The following SND1 variants were observed in gnomAD, a reference collection of about 807,000 sequenced individuals.
SND1 encodes the protein staphylococcal nuclease domain-containing protein 1.
SND1 carries 38 observed loss-of-function variants against 121.7 expected under a neutral mutation model. The ratio of observed to expected loss-of-function variants is 0.31; its 90% CI spans 0.24 to 0.41. The LOEUF is 0.41. Ranked by LOEUF, SND1 falls within the 10% of genes least tolerant of loss-of-function variation. The pLI, the probability that SND1 is intolerant of heterozygous loss-of-function variation, is 1.00. For missense variants in SND1, 868 were observed against 1,184.6 expected, an observed-to-expected ratio of 0.73 and a Z score of 3.92; for synonymous variants, 401 against 447.4, an observed-to-expected ratio of 0.90 and a Z score of 1.31.
At chr7:127,897,891 G>A (rs1370799060) in intron 13 of SND1, among the ~76,000 whole-genome samples, 1 of 151,890 alleles carries the variant, frequency 6.6e-6, no homozygotes, top group Non-Finnish European at 1.5e-5. Context: ...TTTTTCTGAT[G>A]AACTTTGTAA....
At chr7:127,800,635 A>G (rs1798108691) in intron 10 of SND1, among the ~76,000 whole-genome samples, 2 of 152,242 alleles carry the variant, frequency 1.3e-5, no homozygotes, top group Non-Finnish European at 2.9e-5. Flanking sequence ...AAAAAGAAAT[A>G]TAAGTTTATA....
intron 16 of SND1, among the ~76,000 whole-genome samples, chr7:128,074,225 G>A (rs984693935): frequency 2.7e-5 from 4 of 150,020 alleles, no homozygotes; most frequent in Non-Finnish European, 4.5e-5. Flanking sequence ...CTTCAGCTGC[G>A]CTCTCTCTCT....
intron 1 of SND1, among the ~76,000 whole-genome samples, chr7:127,662,588 G>A (rs780457656): frequency 2.6e-5 from 4 of 152,048 alleles, no homozygotes; most frequent in Non-Finnish European, 5.9e-5. Context: ...TTGTACCTTA[G>A]CTGTTTATTT....
chr7:127,841,551 C>T (rs1338208768), intron 11 of SND1, among the ~76,000 whole-genome samples: 1 of 152,080 alleles, frequency 6.6e-6, no homozygotes, highest in Non-Finnish European at 1.5e-5. Flanking sequence ...TGTTGTTTTC[C>T]TCACCTGCTT....
intron 15 of SND1, among the ~76,000 whole-genome samples, chr7:127,973,596 G>T (rs1013664745): frequency 2.0e-4 from 30 of 152,276 alleles, no homozygotes; most frequent in African/African-American, 7.2e-4. Context: ...CTGAGGTGAG[G>T]TGGTCTCTAA....
chr7:128,040,483 TAAAA>T (rs754875856), intron 16 of SND1, among the ~76,000 whole-genome samples: 1 of 80,762 alleles, frequency 1.2e-5, no homozygotes, highest in African/African-American at 4.5e-5. Context: ...GTTTGACACC[TAAAA>T]AAAAAAAAAG....
Position 127,707,606 on chromosome 7 carries a change from AC to A in SND1, c.998del (p.Thr333LysfsTer15), listed in dbSNP as rs750584649. ...LRIWRDYVAP[T>X]ANLDQKDKQF... The stretch of plus-strand genomic sequence containing the variant: ...AATATGGAGAGACTATGTGGCTCCC[AC>A]AGCTAATTTGGACCAAAAGGACAAG... On this transcript the variant is annotated frameshift_variant, in exon 9 of 24. Transcript: ENST00000354725. LOFTEE classifies it high-confidence loss of function. 1 of 1,614,150 alleles carries A rather than the reference AC, an allele frequency of 6.2e-7. No individual in the cohort carries two copies. Among genetic ancestry groups the A allele is most frequent in the South Asian group, 1.1e-5 (1 of 91,084 alleles).
At chr7:127,801,404 T>C (rs568916198) in intron 10 of SND1, among the ~76,000 whole-genome samples, 6 of 152,370 alleles carry the variant, frequency 3.9e-5, no homozygotes, top group African/African-American at 1.4e-4. Flanking sequence ...CCAATTCATC[T>C]ATGGGTTTAT....
In SND1 at chr7:128,068,812, C is replaced by T. The variant is rs1793360274; in HGVS notation, c.1780-5690C>T. Among the ~76,000 whole-genome samples, 3 of 152,306 alleles carry T rather than the reference C, an allele frequency of 2.0e-5. No homozygotes were observed. The South Asian group carries it at 6.2e-4, about 32-fold the overall frequency. On this transcript the variant is annotated intron_variant, in intron 16 of 23. Transcript: ENST00000354725. Reference sequence around the variant, plus strand: ...TGCCTGGGCATGGGGAGCTCTTCCTCGGTAATTAGGAGACATGGAAATTAA... The same window carrying T: ...TGCCTGGGCATGGGGAGCTCTTCCTTGGTAATTAGGAGACATGGAAATTAA...
chr7:127,992,601 G>A lies in SND1; in HGVS notation c.1779+1545G>A, dbSNP rs116318391. Among the ~76,000 whole-genome samples, 776 of 152,300 alleles carry A rather than the reference G, an allele frequency of 5.1e-3. 5 individuals carry two copies. The highest frequency in any genetic ancestry group is 0.018 in the African/African-American group (747 of 41,564). On this transcript the variant is annotated intron_variant, in intron 16 of 23. Coordinates refer to ENST00000354725, the MANE Select transcript of SND1 (RefSeq NM_014390.4). ...CCTTCATTAGATTGCCCAAGACATCGGTTGATGGCATTCTCATCATTTACT... is the reference window on the plus strand; with the variant it reads ...CCTTCATTAGATTGCCCAAGACATCAGTTGATGGCATTCTCATCATTTACT...
At chr7:127,674,172 G>A (rs1795577324) in intron 1 of SND1, among the ~76,000 whole-genome samples, 1 of 151,604 alleles carries the variant, frequency 6.6e-6, no homozygotes, top group African/African-American at 2.4e-5. Context: ...GTCCCCACTT[G>A]CATTTCTGCA....
intron 10 of SND1, among the ~76,000 whole-genome samples, chr7:127,790,635 G>A (rs908545375): frequency 7.2e-5 from 11 of 152,130 alleles, no homozygotes; most frequent in African/African-American, 2.7e-4. Context: ...GAGCATAGTG[G>A]TATCAAAAAG....
intron 12 of SND1, among the ~76,000 whole-genome samples, chr7:127,851,728 C>G (rs1264515102): frequency 6.6e-6 from 1 of 152,134 alleles, no homozygotes. Flanking sequence ...TAATCTAGCC[C>G]ATTTTATTGA....
At chr7:127,745,195 T>C (rs1376646054) in intron 10 of SND1, among the ~76,000 whole-genome samples, 1 of 152,162 alleles carries the variant, frequency 6.6e-6, no homozygotes, top group Non-Finnish European at 1.5e-5. Flanking sequence ...CAAACCTAGG[T>C]AGTATGGCTT....
At chr7:127,805,985 C>G (rs1202843767) in intron 10 of SND1, among the ~76,000 whole-genome samples, 1 of 152,150 alleles carries the variant, frequency 6.6e-6, no homozygotes, top group African/African-American at 2.4e-5. Context: ...GTATATCAGT[C>G]TGCATGTTTC....
intron 2 of SND1, 151 bp from the exon 3 acceptor site, chr7:127,694,677 G>T: frequency 1.1e-6 from 1 of 870,720 alleles, no homozygotes; most frequent in Non-Finnish European, 1.8e-6. Context: ...TCTGCATTGT[G>T]TGCATTTCAT....
chr7:127,990,895 C>T, intron 15 of SND1, 52 bp from the exon 16 acceptor site: 2 of 1,345,668 alleles, frequency 1.5e-6, no homozygotes, highest in Non-Finnish European at 1.0e-6. Flanking sequence ...TATTGGACAG[C>T]AAGCCTAGTG....
Position 128,089,695 on chromosome 7 carries a change from A to G in SND1, c.2622+3A>G. The G allele has an allele frequency of 6.2e-7, 1 of 1,613,904 alleles. No homozygotes were observed. Among genetic ancestry groups the G allele is most frequent in the Non-Finnish European group, 8.5e-7 (1 of 1,179,866 alleles). ...AGGAGAAACAGTTCCAGAAAGTGGT[A>G]TGTGATGTGGAGAGGCGGCCCCAGC... is the stretch of plus-strand genomic sequence containing the variant. On this transcript the variant is annotated splice_donor_region_variant and intron_variant, in intron 22 of 23. Transcript: ENST00000354725.
At chr7:128,062,578 G>C (rs1793248797) in intron 16 of SND1, among the ~76,000 whole-genome samples, 1 of 152,186 alleles carries the variant, frequency 6.6e-6, no homozygotes, top group African/African-American at 2.4e-5. Context: ...ATCCCTAGCT[G>C]AGAGTATAGA....
Sources: gnomAD v4.1 joint callset for allele counts (sites outside exome capture counted in the v4.1 genomes callset) on GRCh38, gnomAD v4.1.1 for gene constraint, MANE v1.5 for transcripts, NCBI Gene and HGNC (gene_info 2026-07-23, HGNC 2026-07-21) for gene names.